PRIM2: variants seen among roughly 807,000 people sequenced by gnomAD.
The protein encoded by PRIM2 is DNA primase large subunit.
In PRIM2, 39 loss-of-function variants were observed where a neutral mutation model predicts 67.3. That is an observed-to-expected ratio of 0.58 (90% CI 0.45 to 0.76). The LOEUF (loss-of-function observed/expected upper bound fraction) is 0.76, where lower values mean the gene tolerates loss of function less well. Among genes scored for constraint, PRIM2 ranks in the 30% least tolerant of loss-of-function variants. PRIM2 has a pLI of 0.00. For missense variants in PRIM2, 398 were observed against 598.7 expected, an observed-to-expected ratio of 0.66 and a Z score of 3.50; for synonymous variants, 143 against 198.7, an observed-to-expected ratio of 0.72 and a Z score of 2.36.
chr6:57,459,377 GTGAGATTAGGAAT>G (rs1404665149), intron 7 of PRIM2, among the ~76,000 whole-genome samples: 3 of 152,148 alleles, frequency 2.0e-5, no homozygotes, highest in African/African-American at 7.2e-5. Context: ...GGAATCAGCT[GTGAGATTAGGAAT>G]TGAATAAAAT....
At chr6:57,349,702 C>A (rs1213192908) in intron 5 of PRIM2, among the ~76,000 whole-genome samples, 1 of 152,064 alleles carries the variant, frequency 6.6e-6, no homozygotes, top group Non-Finnish European at 1.5e-5. Context: ...CTGACTGTAG[C>A]ATATTTCTTA....
intron 12 of PRIM2, among the ~76,000 whole-genome samples, chr6:57,619,518 G>A (rs1414484217): frequency 6.6e-6 from 1 of 152,164 alleles, no homozygotes; most frequent in African/African-American, 2.4e-5. Flanking sequence ...TTCAGAAAGT[G>A]ACACAGGAAG....
At chr6:57,508,957 C>T (rs1774304125) in intron 8 of PRIM2, among the ~76,000 whole-genome samples, 1 of 152,128 alleles carries the variant, frequency 6.6e-6, no homozygotes, top group Admixed American at 6.5e-5. Context: ...AGTCAAGCAC[C>T]AATAGTGTTT....
At chr6:57,503,673 C>T (rs1554347077) in intron 7 of PRIM2, among the ~76,000 whole-genome samples, 3 of 151,776 alleles carry the variant, frequency 2.0e-5, no homozygotes, top group East Asian at 1.9e-4. Context: ...TGCTTGAATG[C>T]GGGAGGCGGA....
intron 7 of PRIM2, among the ~76,000 whole-genome samples, chr6:57,384,669 C>G (rs1770080563): frequency 6.6e-6 from 1 of 152,032 alleles, no homozygotes; most frequent in Non-Finnish European, 1.5e-5. Flanking sequence ...CAGTGTGTTC[C>G]TGAAACCACA....
At chr6:57,527,032 C>T (rs1475351202) in intron 8 of PRIM2, among the ~76,000 whole-genome samples, 1 of 152,174 alleles carries the variant, frequency 6.6e-6, no homozygotes, top group African/African-American at 2.4e-5. Flanking sequence ...TAGGATTCTC[C>T]TTTAGAACCA....
At chr6:57,243,901 A>G in the PRIM2 span, among the ~76,000 whole-genome samples, 1 of 152,250 alleles carries the variant, frequency 6.6e-6, no homozygotes, top group Admixed American at 6.5e-5. Context: ...CTAATTATGC[A>G]TTCTATGCTG....
At chr6:57,339,178 ACAAACCACTGCT>A (rs1176115292) in intron 5 of PRIM2, among the ~76,000 whole-genome samples, 2 of 152,162 alleles carry the variant, frequency 1.3e-5, no homozygotes, top group African/African-American at 4.8e-5. Flanking sequence ...AAGGAGAACT[ACAAACCACTGCT>A]CAAGGAAATG....
At chr6:57,538,395 G>A (rs1306741517) in intron 10 of PRIM2, among the ~76,000 whole-genome samples, 315 of 152,144 alleles carry the variant, frequency 2.1e-3, no homozygotes, top group African/African-American at 7.3e-3. Flanking sequence ...AACCCTATCT[G>A]CAGTGCTTAT....
chr6:57,645,887 T>G, intron 13 of PRIM2, 41 bp from the exon 14 acceptor site: 1 of 1,118,846 alleles, frequency 8.9e-7, no homozygotes, highest in Non-Finnish European at 1.3e-6. Context: ...ATTTATAGCT[T>G]TGCCATGCAT....
At chr6:57,385,250 A>T (rs1172637066) in intron 7 of PRIM2, among the ~76,000 whole-genome samples, 2 of 152,138 alleles carry the variant, frequency 1.3e-5, no homozygotes, top group Non-Finnish European at 2.9e-5. Context: ...CTTGTTGTTA[A>T]GAAATAAGAG....
At position 57,329,527 on chromosome 6, in the gene PRIM2, A is replaced by G. The variant is rs1482348661; in HGVS notation, c.459+3482A>G. On this transcript the variant is annotated intron_variant, in intron 5 of 13. Transcript: ENST00000615550. Reference sequence around the variant, plus strand: ...ATAATCCCCACGTGTCATGGAAAGGACTTGGTGGGAGGTAACTGAATCATG... The same window carrying G: ...ATAATCCCCACGTGTCATGGAAAGGGCTTGGTGGGAGGTAACTGAATCATG... 2.0e-5 allele frequency among the ~76,000 whole-genome samples: 3 copies of G among 152,122 alleles called. No homozygotes were observed. The East Asian group carries it at 5.8e-4, about 29-fold the overall frequency.
At chr6:57,374,623 C>T (rs9349856) in intron 5 of PRIM2, among the ~76,000 whole-genome samples, 2 of 151,798 alleles carry the variant, frequency 1.3e-5, no homozygotes, top group Non-Finnish European at 2.9e-5. Context: ...CAGAGTCTTG[C>T]TCTGTCGCCC....
intron 6 of PRIM2, among the ~76,000 whole-genome samples, chr6:57,380,469 CCTCCTTAACCTA>C (rs1769922571): frequency 6.6e-6 from 1 of 152,150 alleles, no homozygotes; most frequent in Non-Finnish European, 1.5e-5. Context: ...ATGGGAATGC[CCTCCTTAACCTA>C]CTCAGATTCC....
At chr6:57,229,480 C>G in the PRIM2 span, among the ~76,000 whole-genome samples, 1,810 of 113,690 alleles carry the variant, frequency 0.016, 38 homozygotes, top group African/African-American at 0.047. Context: ...TACTTTAATT[C>G]TTTTTTTATT....
chr6:57,271,929 T>G, the PRIM2 span, among the ~76,000 whole-genome samples: 1 of 152,232 alleles, frequency 6.6e-6, no homozygotes, highest in Non-Finnish European at 1.5e-5. Flanking sequence ...TCCACGTAGT[T>G]GAGCAGATTT....
At position 57,324,262 on chromosome 6, in the gene PRIM2, G is replaced by T. The variant is rs373038190; in HGVS notation, c.320G>T (p.Arg107Leu). 1 of 1,601,438 alleles carries T rather than the reference G, an allele frequency of 6.2e-7. No individual in the cohort carries two copies. Among genetic ancestry groups the T allele is most frequent in the East Asian group, 2.2e-5 (1 of 44,748 alleles). Residue 107 changes from arginine (R) to leucine (L), a missense_variant, in exon 4 of 14, where the codon CGG becomes CTG. By Grantham distance (102) the Arg-to-Leu change is moderately radical. Transcript: ENST00000615550. ...GATCATATTTCTCATTTTATTTTGC[G>T]GCTTGCTTATTGCCAGTCGTAAGTA... ...RRDHISHFIL[R>L]LAYCQSEELR...
intron 10 of PRIM2, among the ~76,000 whole-genome samples, chr6:57,539,612 TTGTGTGTG>T (rs1232932730): frequency 0.013 from 1,630 of 129,306 alleles, 17 homozygotes; most frequent in Non-Finnish European, 0.017. Flanking sequence ...ATTATATTCT[TTGTGTGTG>T]TGTGTGTGTG....
the PRIM2 span, among the ~76,000 whole-genome samples, chr6:57,225,312 C>T: frequency 6.6e-6 from 1 of 152,196 alleles, no homozygotes; most frequent in African/African-American, 2.4e-5. Context: ...TGTTTATCCT[C>T]CCTGCAGACA....
Sources: gnomAD v4.1 joint callset for allele counts (sites outside exome capture counted in the v4.1 genomes callset) on GRCh38, gnomAD v4.1.1 for gene constraint, MANE v1.5 for transcripts, NCBI Gene and HGNC (gene_info 2026-07-23, HGNC 2026-07-21) for gene names.